The following SDK2 variants were observed in gnomAD, a reference collection of about 807,000 sequenced individuals.
The protein encoded by SDK2 is sidekick cell adhesion molecule 2.
In SDK2, 105 loss-of-function variants were observed where a neutral mutation model predicts 253.9. The observed-to-expected ratio is 0.41, with a 90% confidence interval of 0.35 to 0.49. SDK2 has a LOEUF of 0.49. Among genes scored for constraint, SDK2 ranks in the 20% least tolerant of loss-of-function variants. SDK2 has a pLI of 0.06. For synonymous variants in SDK2, 1,249 were observed against 1,234.9 expected (o/e 1.01, Z -0.24); for missense variants, 2,608 against 3,003.0 (o/e 0.87, Z 3.07).
In SDK2 at chr17:73,455,535, C is replaced by A. The variant is rs2063519772; in HGVS notation, c.479+371G>T. The stretch of plus-strand genomic sequence containing the variant: ...CTCCCGGCTGCCCAGGAGACGCCAG[C>A]CTCTCCAAGGTCCCCCAGCGCCACT... On this transcript the variant is annotated intron_variant, in intron 4 of 44. Coordinates refer to ENST00000392650, the MANE Select transcript of SDK2 (RefSeq NM_001144952.2). The surrounding 1 kb of genome is among the most constrained non-coding windows in gnomAD (Gnocchi z 5.0). Among the ~76,000 whole-genome samples, 1 of 152,234 alleles carries A rather than the reference C, an allele frequency of 6.6e-6. No individual in the cohort carries two copies.
chr17:73,349,344 G>C (rs566127968), intron 43 of SDK2, among the ~76,000 whole-genome samples: 2 of 152,344 alleles, frequency 1.3e-5, no homozygotes, highest in South Asian at 4.1e-4. Context: ...CTCTAAGACA[G>C]AGACAGAGGG....
intron 1 of SDK2, among the ~76,000 whole-genome samples, chr17:73,608,125 C>T (rs538887427): frequency 2.9e-4 from 44 of 152,198 alleles, no homozygotes; most frequent in Non-Finnish European, 6.2e-4. Flanking sequence ...TACGTTTCAC[C>T]GTCACTTCTC....
At position 73,436,501 on chromosome 17, in the gene SDK2, C is replaced by T. The variant is rs1434052597; in HGVS notation, c.1001-857G>A. On this transcript the variant is annotated intron_variant, in intron 8 of 44. Coordinates refer to ENST00000392650, the MANE Select transcript of SDK2 (RefSeq NM_001144952.2). ...CTGAGGCAGGAGAATCACTTGTACC[C>T]GGGAGGCAGAGGTTGCAGTGAGCCA... Among the ~76,000 whole-genome samples the T allele has an allele frequency of 4.7e-5, 7 of 147,374 alleles. No homozygotes were observed. In the South Asian group the frequency reaches 1.1e-3, roughly 23 times the overall value.
chr17:73,568,126 T>A lies in SDK2; in HGVS notation c.65-60529A>T, dbSNP rs569358377. On this transcript the variant is annotated intron_variant, in intron 1 of 44. Coordinates refer to ENST00000392650, the MANE Select transcript of SDK2 (RefSeq NM_001144952.2). ...AGAAATGGGGCCTGGGGGAGATGTT[T>A]GTGTTGGGAGGCAGATCCCTTGGTG... 2.6e-5 allele frequency among the ~76,000 whole-genome samples: 4 copies of A among 152,318 alleles called. No individual in the cohort carries two copies. In the East Asian group the frequency reaches 5.8e-4, roughly 22 times the overall value.
At position 73,435,424 on chromosome 17, in the gene SDK2, G is replaced by T; in HGVS notation, c.1195+26C>A. 1 of 1,560,064 alleles carries T rather than the reference G, an allele frequency of 6.4e-7. No homozygotes were observed. Among genetic ancestry groups the T allele is most frequent in the Non-Finnish European group, 8.7e-7 (1 of 1,149,470 alleles). ...GCGTCCTGGGAAGAGGGGCTCACGG[G>T]CAGCACAAGGGAAGGCCCAACTTAC... is the stretch of plus-strand genomic sequence containing the variant. On this transcript the variant is annotated intron_variant, in intron 9 of 44. Transcript: ENST00000392650. The surrounding 1 kb of genome is among the most constrained non-coding windows in gnomAD (Gnocchi z 5.7).
At chr17:73,342,456 G>A (rs143430818) in intron 44 of SDK2, among the ~76,000 whole-genome samples, 2 of 152,328 alleles carry the variant, frequency 1.3e-5, no homozygotes, top group South Asian at 2.1e-4. Flanking sequence ...GGCTGGCCTG[G>A]AGCAGCGGGG....
chr17:73,638,402 C>T (rs1175832720), intron 1 of SDK2, among the ~76,000 whole-genome samples: 3 of 151,954 alleles, frequency 2.0e-5, no homozygotes, highest in African/African-American at 4.8e-5. Context: ...TGATGGAGAG[C>T]GAGGGAGTGG....
At chr17:73,624,826 G>A (rs1272532984) in intron 1 of SDK2, among the ~76,000 whole-genome samples, 1 of 152,172 alleles carries the variant, frequency 6.6e-6, no homozygotes, top group African/African-American at 2.4e-5. Context: ...TGGTGATGTT[G>A]TTACTAGGAG....
At chr17:73,345,329 A>G (rs2145380531) in intron 44 of SDK2, among the ~76,000 whole-genome samples, 1 of 152,188 alleles carries the variant, frequency 6.6e-6, no homozygotes, top group East Asian at 1.9e-4. Flanking sequence ...CAAAAAAAAA[A>G]GAAAAAAAAA....
chr17:73,426,042 T>C (rs1472963329), intron 12 of SDK2, among the ~76,000 whole-genome samples: 1 of 151,564 alleles, frequency 6.6e-6, no homozygotes, highest in Non-Finnish European at 1.5e-5. Context: ...CCTATTTTTA[T>C]ATTTTATTTT....
chr17:73,425,022 C>T (rs1481337193), intron 12 of SDK2, among the ~76,000 whole-genome samples: 1 of 152,180 alleles, frequency 6.6e-6, no homozygotes, highest in African/African-American at 2.4e-5. Context: ...GAGTTTGAGA[C>T]CAGTCTGGCC....
At chr17:73,631,026 G>A (rs1396045250) in intron 1 of SDK2, among the ~76,000 whole-genome samples, 1 of 152,126 alleles carries the variant, frequency 6.6e-6, no homozygotes, top group Non-Finnish European at 1.5e-5. Flanking sequence ...AGAGGAGCAT[G>A]GGCAGTGGAC....
intron 2 of SDK2, among the ~76,000 whole-genome samples, chr17:73,504,892 C>A (rs927550728): frequency 3.9e-5 from 6 of 152,036 alleles, no homozygotes; most frequent in African/African-American, 1.4e-4. Flanking sequence ...AGTTCTAAGG[C>A]CCTTCTAAGG....
At chr17:73,362,530 T>C (rs1054915286) in intron 38 of SDK2, among the ~76,000 whole-genome samples, 2 of 152,072 alleles carry the variant, frequency 1.3e-5, no homozygotes, top group African/African-American at 2.4e-5. Flanking sequence ...TAGCTAAGAC[T>C]GTAGGTGTGC....
intron 44 of SDK2, among the ~76,000 whole-genome samples, chr17:73,339,545 T>C (rs2062415812): frequency 6.6e-6 from 1 of 152,132 alleles, no homozygotes; most frequent in Non-Finnish European, 1.5e-5. Flanking sequence ...TTCCTTTTTA[T>C]TCTTTTTTTT....
rs539257604 is a variant in SDK2 at position 73,379,674 on chromosome 17, G to A, written c.4763-125C>T. 1.2e-5 allele frequency: 8 copies of A among 641,878 alleles called. No individual in the cohort carries two copies. Among genetic ancestry groups the A allele is most frequent in the Middle Eastern group, 3.0e-4 (1 of 3,374 alleles). 39.8% of individuals were successfully genotyped at this position (641,878 alleles called of 1,614,324 possible). On this transcript the variant is annotated intron_variant, in intron 34 of 44. Transcript: ENST00000392650. The surrounding 1 kb of genome is among the most constrained non-coding windows in gnomAD (Gnocchi z 4.5). ...CACCCCCGCCATTCTAGCCCCCTCT[G>A]TGAAGGTGCATGAAGGAGGAGGTGA...
chr17:73,486,570 A>T (rs1466784853), intron 2 of SDK2, among the ~76,000 whole-genome samples: 1 of 148,340 alleles, frequency 6.7e-6, no homozygotes, highest in Admixed American at 6.9e-5. Flanking sequence ...TGATTGCACC[A>T]CTGCACTACA....
chr17:73,469,624 C>A (rs62074098), intron 3 of SDK2, among the ~76,000 whole-genome samples: 2,549 of 152,234 alleles, frequency 0.017, 31 homozygotes, highest in Non-Finnish European at 0.024. Flanking sequence ...ACCTGTGGGT[C>A]CAGGGGAAGG....
intron 18 of SDK2, among the ~76,000 whole-genome samples, chr17:73,410,138 G>A (rs2063113931): frequency 6.6e-6 from 1 of 152,146 alleles, no homozygotes; most frequent in Non-Finnish European, 1.5e-5. Flanking sequence ...CCAGGCGTGA[G>A]CCACGGTGCC....
Sources: gnomAD v4.1 joint callset for allele counts (sites outside exome capture counted in the v4.1 genomes callset) on GRCh38, gnomAD v4.1.1 for gene constraint, Gnocchi (gnomAD v3.1) non-coding constraint, MANE v1.5 for transcripts, NCBI Gene and HGNC (gene_info 2026-07-23, HGNC 2026-07-21) for gene names.